The following TNC variants were observed in gnomAD, a reference collection of about 807,000 sequenced individuals.
TNC encodes the protein tenascin C, also known as tenascin.
A neutral mutation model predicts 202.4 loss-of-function variants in TNC; 109 were observed. The ratio of observed to expected loss-of-function variants is 0.54; its 90% CI spans 0.46 to 0.63. The LOEUF (loss-of-function observed/expected upper bound fraction) is 0.63. Ranked by LOEUF, TNC falls within the 30% of genes least tolerant of loss-of-function variation. The pLI is 0.00. For synonymous variants in TNC, 1,007 were observed against 1,089.7 expected (o/e 0.92, Z 1.50); for missense variants, 2,756 against 2,833.3 (o/e 0.97, Z 0.62).
At chr9:115,039,524 C>T (rs758122567) in intron 19 of TNC, among the ~76,000 whole-genome samples, 17 of 152,260 alleles carry the variant, frequency 1.1e-4, no homozygotes, top group Non-Finnish European at 2.5e-4. Flanking sequence ...TACCCAACAT[C>T]ACTTTCTCAG....
At chr9:115,064,500 T>C in intron 11 of TNC, 147 bp downstream of exon 11, 2 of 1,066,818 alleles carry the variant, frequency 1.9e-6, no homozygotes, top group Non-Finnish European at 2.7e-6. Context: ...TGGGGTTCTG[T>C]AGCGTGATGG....
At position 115,040,994 on chromosome 9, in the gene TNC, A is replaced by G. The variant is rs1398919984; in HGVS notation, c.5339T>C (p.Ile1780Thr). 9 of 1,614,088 alleles carry G rather than the reference A, an allele frequency of 5.6e-6. No individual in the cohort carries two copies. The highest frequency in any genetic ancestry group is 7.6e-6 in the Non-Finnish European group (9 of 1,180,020). Residue 1780 changes from isoleucine to threonine, a missense_variant, in exon 19 of 28, where the codon ATC (isoleucine) becomes ACC (threonine). Ile to Thr is a moderately conservative substitution (Grantham distance 89, BLOSUM62 -1). Coordinates refer to ENST00000350763, the MANE Select transcript of TNC (RefSeq NM_002160.4). ...ACTTTCCTCAAAGCCCTTCATGGCG[A>G]TGATGCTGACAAGGTACTCCACGCC... ...IPGVEYLVSI[I>T]AMKGFEESEP...
In TNC at chr9:115,040,830, C is replaced by T. The variant is rs1345066987; in HGVS notation, c.5392+111G>A. 7 of 1,369,786 alleles carry T rather than the reference C, an allele frequency of 5.1e-6. No homozygotes were observed. In the African/African-American group the frequency reaches 7.3e-5, roughly 14 times the overall value. The allele number at this position is 1,369,786 out of a possible 1,614,324, so 84.9% of individuals were successfully genotyped here. A position where few individuals can be genotyped will look rare whatever the true frequency, so the allele number is the denominator to read the frequency against. On this transcript the variant is annotated intron_variant, in intron 19 of 27. Transcript: ENST00000350763. The stretch of plus-strand genomic sequence containing the variant: ...CATAAATAAAACCCCCCTTTTTTTC[C>T]AGCTGCTGAGTCATGAGCTACAAGG...
chr9:115,063,065 C>T lies in TNC; in HGVS notation c.3885G>A (p.Gln1295=). 1 of 1,614,166 alleles carries T rather than the reference C, an allele frequency of 6.2e-7. No individual in the cohort carries two copies. Among genetic ancestry groups the T allele is most frequent in the Non-Finnish European group, 8.5e-7 (1 of 1,180,028 alleles). ...QFTIQVQEAD[Q]VEEAHNLTVP... is the part of the protein sequence containing the mutation. ...CCGTGAGATTGTGAGCCTCTTCCAC[C>T]TGGTCAGCCTCCTGGACCTGAATAG... The change falls in exon 13 of 28, where the codon CAG becomes CAA. Residue 1295 remains glutamine (Q), a synonymous_variant. Transcript: ENST00000350763.
In TNC at chr9:115,038,353, G is replaced by T. The variant is rs1446297701; in HGVS notation, c.5420C>A (p.Thr1807Lys). 6.2e-7 allele frequency: 1 copy of T among 1,614,068 alleles called. No homozygotes were observed. Among genetic ancestry groups the T allele is most frequent in the Non-Finnish European group, 8.5e-7 (1 of 1,180,016 alleles). ...TALDGPSGLV[T>K]ANITDSEALA... Reference sequence around the variant, plus strand: ...GGCTTCTGAGTCAGTGATGTTGGCTGTCACCAGGCCAGATGGGCCATCCAG... The same window carrying T: ...GGCTTCTGAGTCAGTGATGTTGGCTTTCACCAGGCCAGATGGGCCATCCAG... The change falls in exon 20 of 28, where the codon ACA (threonine) becomes AAA (lysine). Residue 1807 changes from threonine (T) to lysine (K), a missense_variant. Physicochemically the swap from Thr to Lys is moderately conservative, Grantham distance 78. This residue lies in a region of TNC where 2,559 missense variants were observed against 2,546.0 expected (regional missense o/e 1.01). Transcript: ENST00000350763.
chr9:115,095,594 ATG>A (rs1491363615), intron 1 of TNC, among the ~76,000 whole-genome samples: 33 of 2,252 alleles, frequency 0.015, 6 homozygotes, highest in African/African-American at 0.03. Context: ...ATGTATATAT[ATG>A]TATATATATA....
At chr9:115,042,032 G>C (rs938913428) in intron 18 of TNC, among the ~76,000 whole-genome samples, 187 bp downstream of exon 18, 1 of 152,200 alleles carries the variant, frequency 6.6e-6, no homozygotes, top group Non-Finnish European at 1.5e-5. Context: ...CCCTTCACAA[G>C]AAAGTTTCTT....
chr9:115,096,403 G>A (rs1403020918), intron 1 of TNC, among the ~76,000 whole-genome samples: 8 of 152,152 alleles, frequency 5.3e-5, no homozygotes, highest in African/African-American at 1.9e-4. Flanking sequence ...TGGGGCTTGT[G>A]GTTACAATAT....
chr9:115,047,358 T>C (rs557419159), intron 16 of TNC, among the ~76,000 whole-genome samples: 1 of 152,044 alleles, frequency 6.6e-6, no homozygotes, highest in South Asian at 2.1e-4. Flanking sequence ...CAGGGTTTCA[T>C]CTTGCATTGC....
chr9:115,091,180 T>C (rs1329225590), intron 1 of TNC, 26 bp from the exon 2 acceptor site: 1 of 617,702 alleles, frequency 1.6e-6, no homozygotes, highest in African/African-American at 1.8e-5. Flanking sequence ...AACAAAAAAA[T>C]TATGAGTATC....
At chr9:115,068,843 C>T (rs77385379) in intron 10 of TNC, among the ~76,000 whole-genome samples, 2,399 of 152,300 alleles carry the variant, frequency 0.016, 69 homozygotes, top group African/African-American at 0.056. Context: ...CCAAACATCA[C>T]TTCTTCCAAA....
chr9:115,103,668 G>A (rs1836403859), intron 1 of TNC, among the ~76,000 whole-genome samples: 1 of 152,100 alleles, frequency 6.6e-6, no homozygotes, highest in African/African-American at 2.4e-5. Flanking sequence ...AGTGATCTGT[G>A]GTCCATTGCT....
chr9:115,090,023 T>C (rs1211043939), intron 2 of TNC, among the ~76,000 whole-genome samples: 1 of 152,238 alleles, frequency 6.6e-6, no homozygotes, highest in Non-Finnish European at 1.5e-5. Context: ...TTGGAACTTT[T>C]TTCTAATTCT....
intron 15 of TNC, among the ~76,000 whole-genome samples, chr9:115,048,943 T>C (rs1321276087): frequency 6.6e-6 from 1 of 152,114 alleles, no homozygotes; most frequent in Non-Finnish European, 1.5e-5. Flanking sequence ...CTTTTTTTTT[T>C]TTTCGAGTAT....
At chr9:115,030,531 A>G in intron 23 of TNC, 126 bp from the exon 24 acceptor site, 14 of 1,108,090 alleles carry the variant, frequency 1.3e-5, no homozygotes, top group Non-Finnish European at 1.6e-5. Context: ...TGATGCAAAC[A>G]ATTAAAAACT....
intron 1 of TNC, among the ~76,000 whole-genome samples, chr9:115,103,952 G>C (rs539975821): frequency 1.3e-5 from 2 of 149,396 alleles, no homozygotes; most frequent in Non-Finnish European, 3.0e-5. Flanking sequence ...GAAATGCTCA[G>C]ATGAAATATG....
intron 23 of TNC, among the ~76,000 whole-genome samples, chr9:115,030,609 C>CT: frequency 6.6e-6 from 1 of 152,244 alleles, no homozygotes; most frequent in East Asian, 1.9e-4. Context: ...CATAGCAGTT[C>CT]TTTTTTCTGA....
rs1469644527 is a variant in TNC, at chr9:115,019,619, A to C, written c.*1538T>G. ...ATTTATTGAGTAGTAGCCACAATCA[A>C]GTCATTGGGTTTCTATGAACCCCAG... On this transcript the variant is annotated 3_prime_UTR_variant, in exon 28 of 28. Coordinates refer to ENST00000350763, the MANE Select transcript of TNC (RefSeq NM_002160.4). 3 of 152,250 alleles carry C rather than the reference A, an allele frequency of 2.0e-5. No homozygotes were observed. Among genetic ancestry groups the C allele is most frequent in the Admixed American group, 6.5e-5 (1 of 15,290 alleles). The allele number at this position is 152,250 out of a possible 1,614,324, so 9.4% of individuals were successfully genotyped here.
chr9:115,094,933 A>G (rs1291165478), intron 1 of TNC, among the ~76,000 whole-genome samples: 1 of 151,882 alleles, frequency 6.6e-6, no homozygotes, highest in Non-Finnish European at 1.5e-5. Context: ...AAATTTCAGC[A>G]CAACAGGAGA....
Sources: allele counts gnomAD v4.1 joint callset (sites outside exome capture counted in the v4.1 genomes callset), GRCh38; gene constraint gnomAD v4.1.1; regional missense constraint gnomAD v4.1.1; transcripts MANE v1.5; gene names NCBI Gene and HGNC (gene_info 2026-07-23, HGNC 2026-07-21).